Variants in CCDC171 observed in about 807,000 individuals in gnomAD.
The protein encoded by CCDC171 is coiled-coil domain-containing protein 171.
A neutral mutation model predicts 168.2 loss-of-function variants in CCDC171; 177 were observed. The observed-to-expected ratio is 1.05, with a 90% CI of 0.93 to 1.19. CCDC171 has a LOEUF of 1.19. Ranked by LOEUF, CCDC171 falls within the 50% of genes most tolerant of loss-of-function variation. CCDC171 has a pLI of 0.00. For missense variants in CCDC171, 1,991 were observed against 1,539.0 expected (o/e 1.29, Z -4.91); for synonymous variants, 687 against 540.8 (o/e 1.27, Z -3.75).
intron 7 of CCDC171, among the ~76,000 whole-genome samples, chr9:15,631,400 G>T (rs1020183945): frequency 6.6e-6 from 1 of 152,130 alleles, no homozygotes; most frequent in African/African-American, 2.4e-5. Context: ...ACACCTCTAC[G>T]CAAATAAACT....
At chr9:15,668,849 A>C in intron 9 of CCDC171, among the ~76,000 whole-genome samples, 1 of 152,228 alleles carries the variant, frequency 6.6e-6, no homozygotes. Flanking sequence ...GAAGATTCTG[A>C]ATTTCTGAAA....
At chr9:15,822,197 G>A (rs983666229) in intron 21 of CCDC171, among the ~76,000 whole-genome samples, 3 of 152,094 alleles carry the variant, frequency 2.0e-5, no homozygotes, top group African/African-American at 7.2e-5. Flanking sequence ...ATGGATTAAC[G>A]ACTTAAATGT....
chr9:15,783,088 A>C (rs1016382092), intron 20 of CCDC171, among the ~76,000 whole-genome samples: 2 of 152,192 alleles, frequency 1.3e-5, no homozygotes, highest in Middle Eastern at 3.2e-3. Context: ...AAAAAGAGAA[A>C]TGAGTTTTAA....
chr9:16,088,244 T>A, the CCDC171 span, among the ~76,000 whole-genome samples: 3 of 152,212 alleles, frequency 2.0e-5, no homozygotes, highest in East Asian at 5.8e-4. Context: ...GAGCTGTTTA[T>A]GACACACCCA....
the CCDC171 span, among the ~76,000 whole-genome samples, chr9:16,068,210 G>A: frequency 8.7e-5 from 13 of 150,060 alleles, no homozygotes; most frequent in Admixed American, 8.6e-4. Flanking sequence ...ATTCACAATT[G>A]CTTCAAAGAG....
intron 8 of CCDC171, among the ~76,000 whole-genome samples, chr9:15,664,839 C>T (rs1052435096): frequency 5.3e-5 from 8 of 151,668 alleles, no homozygotes; most frequent in Admixed American, 2.0e-4. Flanking sequence ...GCTGGGATTA[C>T]AGGCACGCAC....
intron 23 of CCDC171, among the ~76,000 whole-genome samples, chr9:15,854,411 A>C (rs922497302): frequency 4.6e-5 from 7 of 151,076 alleles, no homozygotes; most frequent in African/African-American, 9.7e-5. Context: ...AATTGTTTTT[A>C]TTTCTGTAAG....
chr9:15,594,290 G>T, intron 6 of CCDC171, 118 bp downstream of exon 6: 1 of 612,884 alleles, frequency 1.6e-6, no homozygotes. Context: ...TTTTGATTCT[G>T]GAAGGCCACA....
chr9:15,870,389 T>C (rs1013709263), intron 23 of CCDC171, among the ~76,000 whole-genome samples: 1 of 151,750 alleles, frequency 6.6e-6, no homozygotes, highest in Non-Finnish European at 1.5e-5. Flanking sequence ...ATTATAGAGG[T>C]CTGTTTTCAT....
At chr9:15,895,083 A>G (rs1820733669) in intron 24 of CCDC171, among the ~76,000 whole-genome samples, 1 of 152,156 alleles carries the variant, frequency 6.6e-6, no homozygotes, top group Non-Finnish European at 1.5e-5. Context: ...TCTTATTTCC[A>G]GCCATGTCAC....
chr9:16,088,130 TA>T, the CCDC171 span, among the ~76,000 whole-genome samples: 1 of 152,218 alleles, frequency 6.6e-6, no homozygotes, highest in East Asian at 1.9e-4. Flanking sequence ...ACCACATGAT[TA>T]TCTCAATAGA....
intron 21 of CCDC171, among the ~76,000 whole-genome samples, chr9:15,792,841 A>G (rs1427056017): frequency 1.3e-5 from 2 of 152,070 alleles, no homozygotes; most frequent in African/African-American, 2.4e-5. Flanking sequence ...CATGGAAAGG[A>G]ACAACCAGTA....
At chr9:15,707,657 C>G (rs1450069351) in intron 11 of CCDC171, among the ~76,000 whole-genome samples, 1 of 152,158 alleles carries the variant, frequency 6.6e-6, no homozygotes, top group African/African-American at 2.4e-5. Context: ...TCATTCATCC[C>G]AAAGTTTAAA....
At chr9:16,046,558 C>A (rs1586858447) in intron 1 of CCDC171, among the ~76,000 whole-genome samples, 2 of 152,186 alleles carry the variant, frequency 1.3e-5, no homozygotes, top group Non-Finnish European at 2.9e-5. Context: ...ACCCAAATCT[C>A]ATCTTGAATT....
chr9:15,904,674 T>C (rs953245685), intron 24 of CCDC171, among the ~76,000 whole-genome samples: 1 of 152,082 alleles, frequency 6.6e-6, no homozygotes, highest in Non-Finnish European at 1.5e-5. Context: ...CATAACAATA[T>C]TAACCTTAAA....
chr9:15,844,032 A>T lies in CCDC171; in HGVS notation c.3268-2670A>T, dbSNP rs531801258. Among the ~76,000 whole-genome samples the T allele has an allele frequency of 1.7e-3, 266 of 152,218 alleles. 1 individual carries two copies. Among genetic ancestry groups the T allele is most frequent in the Non-Finnish European group, 2.8e-3 (192 of 68,002 alleles). ...GGAACAATTAGGAGCAGAGTTATTA[A>T]ACTTGATTTATCCTATTCTCTCCTG... is the stretch of plus-strand genomic sequence containing the variant. On this transcript the variant is annotated intron_variant, in intron 21 of 25. Transcript: ENST00000380701.
chr9:15,891,771 G>T (rs1490994451), intron 24 of CCDC171, among the ~76,000 whole-genome samples: 1 of 152,134 alleles, frequency 6.6e-6, no homozygotes, highest in Non-Finnish European at 1.5e-5. Flanking sequence ...GTGCTTAATA[G>T]GTGACTGGGT....
At chr9:15,599,034 A>G (rs190203238) in intron 6 of CCDC171, among the ~76,000 whole-genome samples, 7 of 152,132 alleles carry the variant, frequency 4.6e-5, no homozygotes, top group African/African-American at 1.7e-4. Context: ...TTTTGAGCCT[A>G]TGTGTGTCTC....
At chr9:15,568,195 C>T (rs1317861491) in intron 2 of CCDC171, among the ~76,000 whole-genome samples, 2 of 149,862 alleles carry the variant, frequency 1.3e-5, no homozygotes, top group African/African-American at 4.9e-5. Context: ...AGTTTTACTT[C>T]TTCTTTTCCA....
Sources: gnomAD v4.1 joint callset for allele counts (sites outside exome capture counted in the v4.1 genomes callset) on GRCh38, gnomAD v4.1.1 for gene constraint, MANE v1.5 for transcripts, NCBI Gene and HGNC (gene_info 2026-07-23, HGNC 2026-07-21) for gene names.